BBS1: variants seen among roughly 807,000 people sequenced by gnomAD.
The protein encoded by BBS1 is BBSome complex member BBS1.
Under a neutral mutation model 73.9 loss-of-function variants are expected in BBS1, and 60 were observed. The observed-to-expected ratio is 0.81, with a 90% CI of 0.66 to 1.01. The LOEUF (loss-of-function observed/expected upper bound fraction) is 1.01. Ranked by LOEUF, BBS1 falls within the 50% of genes least tolerant of loss-of-function variation. The pLI is 0.00. For missense variants in BBS1, 718 were observed against 770.3 expected, an observed-to-expected ratio of 0.93 and a Z score of 0.80; for synonymous variants, 283 against 317.4, an observed-to-expected ratio of 0.89 and a Z score of 1.15.
intron 11 of BBS1, chr11:66,524,279 TAA>T (rs542214160): frequency 3.6e-3 from 1,014 of 278,536 alleles, no homozygotes; most frequent in South Asian, 5.9e-3. Context: ...GACTCCATCT[TAA>T]AAAAAAAAAA....
intron 1 of BBS1, 61 bp downstream of exon 1, chr11:66,510,767 C>A: frequency 6.2e-7 from 1 of 1,605,694 alleles, no homozygotes; most frequent in Admixed American, 1.7e-5. Context: ...CCCTTGGTCC[C>A]CGGGCTCTGG....
At chr11:66,525,286 G>A (rs989553903) in intron 11 of BBS1, among the ~76,000 whole-genome samples, 3 of 152,020 alleles carry the variant, frequency 2.0e-5, no homozygotes, top group Non-Finnish European at 2.9e-5. Flanking sequence ...TTGAACCTGG[G>A]AGGCAAAGGT....
Position 66,510,675 on chromosome 11 carries a change from T to TC in BBS1, c.17dup (p.Ser7IlefsTer9), listed in dbSNP as rs1166022838. ...GCCTGCGAAGATGGCCGCTGCGTCC[T>TC]CATCGGATTCCGACGCCTGCGGAGC... On this transcript the variant is annotated frameshift_variant, in exon 1 of 17. Transcript: ENST00000318312. LOFTEE classifies it high-confidence loss of function. The TC allele has an allele frequency of 1.2e-6, 2 of 1,614,192 alleles. No individual in the cohort carries two copies. The highest frequency in any genetic ancestry group is 1.7e-6 in the Non-Finnish European group (2 of 1,180,030).
intron 11 of BBS1, among the ~76,000 whole-genome samples, chr11:66,524,967 G>A (rs562872261): frequency 5.9e-5 from 9 of 152,220 alleles, no homozygotes; most frequent in African/African-American, 2.2e-4. Context: ...TTGGGAGGCC[G>A]AGGCAGGCAG....
chr11:66,515,606 T>C lies in BBS1; in HGVS notation c.479+20T>C, dbSNP rs756451521. 27 of 1,613,946 alleles carry C rather than the reference T, an allele frequency of 1.7e-5. No homozygotes were observed. The highest frequency in any genetic ancestry group is 1.5e-4 in the Admixed American group (9 of 59,984). Reference sequence around the variant, plus strand: ...CATCCGGTGAGAGGCTGCCTTCCCCTTCATACCCCCCTCACTCCTTCATCC... The same window carrying C: ...CATCCGGTGAGAGGCTGCCTTCCCCCTCATACCCCCCTCACTCCTTCATCC... On this transcript the variant is annotated intron_variant, in intron 5 of 16. Coordinates refer to ENST00000318312, the MANE Select transcript of BBS1 (RefSeq NM_024649.5).
chr11:66,528,546 G>A (rs1221072097), intron 13 of BBS1, among the ~76,000 whole-genome samples: 1 of 152,188 alleles, frequency 6.6e-6, no homozygotes, highest in Non-Finnish European at 1.5e-5. Flanking sequence ...GCAGGATTAG[G>A]AAGTCCAGAA....
intron 7 of BBS1, among the ~76,000 whole-genome samples, chr11:66,516,362 G>A (rs1232454665): frequency 6.6e-6 from 1 of 152,106 alleles, no homozygotes; most frequent in African/African-American, 2.4e-5. Flanking sequence ...CTGACCTCAG[G>A]TGATCCGCCT....
At chr11:66,529,074 A>G (rs866323651) in intron 13 of BBS1, 1 of 985,352 alleles carries the variant, frequency 1.0e-6, no homozygotes, top group Middle Eastern at 5.2e-4. Flanking sequence ...GTACTAGAGA[A>G]AAAGCACATA....
chr11:66,526,066 T>C (rs776823306), intron 11 of BBS1, 57 bp from the exon 12 acceptor site: 4 of 1,543,636 alleles, frequency 2.6e-6, no homozygotes, highest in Non-Finnish European at 3.6e-6. Context: ...ACCCATCCCC[T>C]GTCTTGCTTT....
At chr11:66,523,364 AG>A in intron 9 of BBS1, 91 bp from the exon 10 acceptor site, 6 of 1,571,782 alleles carry the variant, frequency 3.8e-6, no homozygotes, top group Non-Finnish European at 5.3e-6. Flanking sequence ...TGTTCCTCCC[AG>A]GTGAGTCCAT....
intron 8 of BBS1, chr11:66,520,275 ATTTTC>A (rs1856163806): frequency 6.4e-6 from 1 of 156,570 alleles, no homozygotes; most frequent in African/African-American, 2.4e-5. Flanking sequence ...TCAGCCTTTT[ATTTTC>A]TTTTGTTTTG....
At chr11:66,523,386 C>A in intron 9 of BBS1, 70 bp from the exon 10 acceptor site, 1 of 1,610,920 alleles carries the variant, frequency 6.2e-7, no homozygotes, top group Non-Finnish European at 8.5e-7. Flanking sequence ...GAGGTTTAGA[C>A]AGAGGAGGGT....
chr11:66,517,574 TCTC>T (rs1856078448), intron 7 of BBS1, among the ~76,000 whole-genome samples: 1 of 151,530 alleles, frequency 6.6e-6, no homozygotes, highest in Admixed American at 6.6e-5. Flanking sequence ...TTCAAGCTAT[TCTC>T]CTGCCTCAGC....
intron 13 of BBS1, chr11:66,529,328 G>T (rs1231942637): frequency 6.5e-7 from 1 of 1,535,694 alleles, no homozygotes. Context: ...GCTGGTTTCC[G>T]CAGCATTGAG....
At chr11:66,528,415 A>G (rs746316908) in intron 13 of BBS1, among the ~76,000 whole-genome samples, 1 of 152,312 alleles carries the variant, frequency 6.6e-6, no homozygotes, top group Non-Finnish European at 1.5e-5. Flanking sequence ...TTCAAAGAGT[A>G]AACCTAAGAA....
At chr11:66,513,842 T>C (rs1855996755) in intron 3 of BBS1, among the ~76,000 whole-genome samples, 1 of 152,194 alleles carries the variant, frequency 6.6e-6, no homozygotes. Context: ...AGTTGGGAAC[T>C]AGATCAGAGA....
At chr11:66,529,574 G>A in intron 13 of BBS1, 3 of 697,110 alleles carry the variant, frequency 4.3e-6, no homozygotes, top group South Asian at 3.2e-5. Context: ...AGAGAAGCCA[G>A]TGAAGGAGCT....
chr11:66,517,376 A>G (rs890374291), intron 7 of BBS1, among the ~76,000 whole-genome samples: 6 of 152,122 alleles, frequency 3.9e-5, no homozygotes, highest in Non-Finnish European at 4.4e-5. Context: ...ATCACTTGTG[A>G]TATCATTGTC....
intron 14 of BBS1, among the ~76,000 whole-genome samples, chr11:66,530,491 G>GT (rs1008453035): frequency 6.6e-6 from 1 of 152,194 alleles, no homozygotes; most frequent in African/African-American, 2.4e-5. Context: ...ACCCAACCAG[G>GT]TTCTGAGTTC....
Sources: allele counts gnomAD v4.1 joint callset (sites outside exome capture counted in the v4.1 genomes callset), GRCh38; gene constraint gnomAD v4.1.1; transcripts MANE v1.5; gene names NCBI Gene and HGNC (gene_info 2026-07-23, HGNC 2026-07-21).